DLGAP4: variants seen among roughly 807,000 people sequenced by gnomAD.
DLGAP4 encodes the protein disks large-associated protein 4.
In DLGAP4, 18 loss-of-function variants were observed where a neutral mutation model predicts 86.9. The observed-to-expected ratio is 0.21, with a 90% confidence interval of 0.14 to 0.31. DLGAP4 has a LOEUF of 0.31. Among genes scored for constraint, DLGAP4 ranks in the 10% least tolerant of loss-of-function variants. DLGAP4 has a pLI of 1.00. For missense variants in DLGAP4, 1,085 were observed against 1,362.6 expected, an observed-to-expected ratio of 0.80 and a Z score of 3.21; for synonymous variants, 548 against 574.3, an observed-to-expected ratio of 0.95 and a Z score of 0.65.
intron 3 of DLGAP4, among the ~76,000 whole-genome samples, chr20:36,433,724 T>C (rs1367488897): frequency 2.6e-5 from 4 of 151,996 alleles, no homozygotes; most frequent in Non-Finnish European, 5.9e-5. Flanking sequence ...CGATCTCGGC[T>C]CACTGCAACC....
intron 2 of DLGAP4, among the ~76,000 whole-genome samples, chr20:36,404,750 GATGA>G (rs112826447): frequency 0.14 from 20,572 of 151,372 alleles, 2,080 homozygotes; most frequent in African/African-American, 0.3. Flanking sequence ...TTGTTGGTTG[GATGA>G]ATGAATGAAT....
chr20:36,507,110 G>A (rs2036418676), intron 10 of DLGAP4, among the ~76,000 whole-genome samples: 1 of 152,122 alleles, frequency 6.6e-6, no homozygotes, highest in Non-Finnish European at 1.5e-5. Context: ...TGTGAATAAT[G>A]TTTCCTGTCT....
chr20:36,511,199 TTTTCA>T (rs1457488719), intron 10 of DLGAP4, among the ~76,000 whole-genome samples: 3 of 152,210 alleles, frequency 2.0e-5, no homozygotes, highest in African/African-American at 7.2e-5. Flanking sequence ...CATATTTTAA[TTTTCA>T]TTTAATTTAA....
At chr20:36,450,624 T>A (rs1324749279) in intron 7 of DLGAP4, among the ~76,000 whole-genome samples, 4 of 152,056 alleles carry the variant, frequency 2.6e-5, no homozygotes, top group Non-Finnish European at 5.9e-5. Flanking sequence ...CATCCAATCA[T>A]GAGATTGGAT....
intron 10 of DLGAP4, among the ~76,000 whole-genome samples, chr20:36,520,165 G>A (rs2037289383): frequency 6.6e-6 from 1 of 152,112 alleles, no homozygotes; most frequent in East Asian, 1.9e-4. Context: ...GAGATGTTGA[G>A]CATATTTACT....
chr20:36,504,007 G>A (rs1569521727), intron 10 of DLGAP4, among the ~76,000 whole-genome samples: 2 of 152,264 alleles, frequency 1.3e-5, no homozygotes, highest in Non-Finnish European at 2.9e-5. Context: ...TCATGTACAA[G>A]TTTTTTATGG....
chr20:36,476,300 C>G (rs1033410770), intron 7 of DLGAP4, among the ~76,000 whole-genome samples: 75 of 149,664 alleles, frequency 5.0e-4, no homozygotes, highest in African/African-American at 1.8e-3. Context: ...ACCCCCTTGC[C>G]TGGTCCCTGG....
chr20:36,308,379 G>A lies in DLGAP4; in HGVS notation c.-304+1867G>A, dbSNP rs1328039209. On this transcript the variant is annotated intron_variant, in intron 1 of 12. Coordinates refer to ENST00000339266, the MANE Select transcript of DLGAP4 (RefSeq NM_001365621.2). This position sits in a 1 kb window ranked among gnomAD's most constrained non-coding sequence, Gnocchi z 4.5. ...CAGCCTGTGTCAGGCATTGGAGACAGTGTCCATGCTGAAGAGAAACTGTGA... is the reference window on the plus strand; with the variant it reads ...CAGCCTGTGTCAGGCATTGGAGACAATGTCCATGCTGAAGAGAAACTGTGA... Among the ~76,000 whole-genome samples the A allele has an allele frequency of 6.6e-6, 1 of 152,236 alleles. No homozygotes were observed. The highest frequency in any genetic ancestry group is 2.4e-5 in the African/African-American group (1 of 41,470).
rs557370666 is a variant in DLGAP4, at chr20:36,411,344, A to T, written c.-72-20302A>T. The stretch of plus-strand genomic sequence containing the variant: ...TTCTCGGAGAACCCAAATCAGACAG[A>T]TGCCCTGACCCCGTTCTGCCCCTTG... On this transcript the variant is annotated intron_variant, in intron 2 of 12. Coordinates refer to ENST00000339266, the MANE Select transcript of DLGAP4 (RefSeq NM_001365621.2). 2.0e-5 allele frequency among the ~76,000 whole-genome samples: 3 copies of T among 152,222 alleles called. No homozygotes were observed. The East Asian group carries it at 5.8e-4, about 29-fold the overall frequency.
chr20:36,357,146 C>T (rs935244100), intron 1 of DLGAP4, among the ~76,000 whole-genome samples: 7 of 152,138 alleles, frequency 4.6e-5, no homozygotes, highest in Admixed American at 1.3e-4. Flanking sequence ...CCCTCGTGAG[C>T]GAGCCCCCAC....
intron 6 of DLGAP4, among the ~76,000 whole-genome samples, chr20:36,445,117 T>C (rs2147574352): frequency 6.6e-6 from 1 of 152,248 alleles, no homozygotes; most frequent in East Asian, 1.9e-4. Context: ...TTTTAATTTC[T>C]TTTGTAGAGC....
In DLGAP4 at chr20:36,497,043, A is replaced by C. The variant is rs777693353; in HGVS notation, c.1987A>C (p.Lys663Gln). The part of the protein sequence containing the change: ...ESHPEAAPKR[K>Q]LSSIGIQVDC... ...CCACCCCGAGGCCGCCCCCAAAAGG[A>C]AACTGTCATCGATAGGAATACAAGT... Residue 663 changes from lysine (K) to glutamine (Q), a missense_variant, in exon 8 of 13, where the codon AAA becomes CAA. Physicochemically the swap from Lys to Gln is moderately conservative, Grantham distance 53. This residue lies in a region of DLGAP4 where 1,082 missense variants were observed against 1,344.1 expected (regional missense o/e 0.81). Coordinates refer to ENST00000339266, the MANE Select transcript of DLGAP4 (RefSeq NM_001365621.2). 6.2e-7 allele frequency: 1 copy of C among 1,607,624 alleles called. No homozygotes were observed. Among genetic ancestry groups the C allele is most frequent in the Admixed American group, 1.7e-5 (1 of 59,376 alleles).
At position 36,308,492 on chromosome 20, in the gene DLGAP4, C is replaced by T. The variant is rs1305093064; in HGVS notation, c.-304+1980C>T. 2.0e-5 allele frequency among the ~76,000 whole-genome samples: 3 copies of T among 152,206 alleles called. No individual in the cohort carries two copies. Among genetic ancestry groups the T allele is most frequent in the South Asian group, 2.1e-4 (1 of 4,828 alleles). ...GCAGGTCTGAGGGCTGTGCCCCGGG[C>T]GTGAAGCTGCCTGGCAGCTGAGTTG... On this transcript the variant is annotated intron_variant, in intron 1 of 12. Transcript: ENST00000339266. The surrounding 1 kb of genome is among the most constrained non-coding windows in gnomAD (Gnocchi z 4.5).
At chr20:36,325,984 C>G (rs1203484029) in intron 1 of DLGAP4, among the ~76,000 whole-genome samples, 2 of 152,162 alleles carry the variant, frequency 1.3e-5, no homozygotes, top group African/African-American at 4.8e-5. Flanking sequence ...TCCCAAAGTG[C>G]TGGGATTACA....
At chr20:36,396,730 G>T (rs116280360) in intron 2 of DLGAP4, among the ~76,000 whole-genome samples, 2,545 of 145,772 alleles carry the variant, frequency 0.017, 73 homozygotes, top group African/African-American at 0.06. Context: ...TGATTCCAGG[G>T]GCCTATTGAA....
At chr20:36,395,482 A>G (rs762556937) in intron 2 of DLGAP4, among the ~76,000 whole-genome samples, 20 of 152,024 alleles carry the variant, frequency 1.3e-4, no homozygotes, top group Non-Finnish European at 2.6e-4. Flanking sequence ...TGTAGTTATC[A>G]CAGTCAGCAC....
At chr20:36,513,275 G>A (rs929805109) in intron 10 of DLGAP4, among the ~76,000 whole-genome samples, 20 of 151,702 alleles carry the variant, frequency 1.3e-4, no homozygotes, top group Admixed American at 3.9e-4. Flanking sequence ...TGGGCCGGGC[G>A]CGGTGGCTCA....
chr20:36,367,497 G>A (rs988390516), intron 2 of DLGAP4, among the ~76,000 whole-genome samples: 1 of 152,192 alleles, frequency 6.6e-6, no homozygotes, highest in Non-Finnish European at 1.5e-5. Flanking sequence ...ATTTTCCAGA[G>A]GAGTCAGCCT....
At chr20:36,491,030 TAAAAA>T (rs757935259) in intron 7 of DLGAP4, among the ~76,000 whole-genome samples, 5 of 101,440 alleles carry the variant, frequency 4.9e-5, no homozygotes, top group African/African-American at 7.2e-5. Flanking sequence ...CCATCTCTAC[TAAAAA>T]AAAAAAAAAA....
Sources: allele counts gnomAD v4.1 joint callset (sites outside exome capture counted in the v4.1 genomes callset), GRCh38; gene constraint gnomAD v4.1.1; regional missense constraint gnomAD v4.1.1; non-coding constraint Gnocchi (gnomAD v3.1); transcripts MANE v1.5; gene names NCBI Gene and HGNC (gene_info 2026-07-23, HGNC 2026-07-21).